CADM3: variants seen among roughly 807,000 people sequenced by gnomAD.
The protein encoded by CADM3 is TSLC1-like 1.
In CADM3, 11 loss-of-function variants were observed where a neutral mutation model predicts 44.9. The observed-to-expected ratio is 0.25, with a 90% CI of 0.15 to 0.41. CADM3 has a LOEUF of 0.41. CADM3 is among the 10% of genes least tolerant of loss of function. The probability of loss-of-function intolerance (pLI) is 1.00; values close to 1 mark genes in which losing one functional copy is unlikely to be tolerated. For missense variants in CADM3, 426 were observed against 512.0 expected (o/e 0.83, Z 1.62); for synonymous variants, 207 against 205.2 (o/e 1.01, Z -0.08).
intron 4 of CADM3, 115 bp downstream of exon 4, chr1:159,193,675 T>C (rs974409522): frequency 1.1e-5 from 17 of 1,502,152 alleles, no homozygotes; most frequent in Admixed American, 1.9e-5. Context: ...GGGAATGACA[T>C]ATATTTTGTG....
intron 1 of CADM3, among the ~76,000 whole-genome samples, chr1:159,188,669 C>A (rs1649522110): frequency 6.6e-6 from 1 of 152,136 alleles, no homozygotes; most frequent in African/African-American, 2.4e-5. Context: ...CGGCGGGAGA[C>A]CCTGAAAAGA....
chr1:159,189,920 C>G (rs1649582028), intron 1 of CADM3: 1 of 1,238,478 alleles, frequency 8.1e-7, no homozygotes, highest in Non-Finnish European at 1.2e-6. Flanking sequence ...TTCCCTCACT[C>G]ATCCTCACAT....
At chr1:159,171,915 T>C (rs935503188) in intron 1 of CADM3, 62 bp downstream of exon 1, 17 of 1,108,418 alleles carry the variant, frequency 1.5e-5, no homozygotes, top group East Asian at 1.3e-4. Flanking sequence ...GGGGCTGGGA[T>C]CGGGAGTCTC....
chr1:159,184,142 T>C (rs1042139718), intron 1 of CADM3, among the ~76,000 whole-genome samples: 2 of 152,234 alleles, frequency 1.3e-5, no homozygotes, highest in African/African-American at 4.8e-5. Context: ...GTTCTAATCC[T>C]GATTTTGCTA....
At chr1:159,193,256 G>T (rs1446046153) in intron 3 of CADM3, among the ~76,000 whole-genome samples, 167 bp from the exon 4 acceptor site, 1 of 152,124 alleles carries the variant, frequency 6.6e-6, no homozygotes, top group Non-Finnish European at 1.5e-5. Flanking sequence ...CTTCCTTTCT[G>T]GTCCTCAGGG....
At chr1:159,200,780 G>A (rs779258965) in intron 8 of CADM3, 24 bp from the exon 9 acceptor site, 3 of 1,548,240 alleles carry the variant, frequency 1.9e-6, no homozygotes, top group Non-Finnish European at 2.6e-6. Flanking sequence ...GCTCCTGAGA[G>A]GAGAAGCCTC....
rs755756300 is a variant in CADM3 at position 159,192,609 on chromosome 1, C to T, written c.261C>T (p.Thr87=). ...ALRDNRIQLV[T]STPHELSISI... is the part of the protein sequence containing the mutation. The stretch of plus-strand genomic sequence containing the variant: ...GAGATAATCGAATTCAGCTGGTTAC[C>T]TCTACGCCCCACGAGCTCAGCATCA... Residue 87 remains threonine, a synonymous_variant, in exon 3 of 9, where the codon ACC becomes ACT. Coordinates refer to ENST00000368125, the MANE Select transcript of CADM3 (RefSeq NM_001127173.3). The T allele has an allele frequency of 3.1e-6, 5 of 1,614,158 alleles. No individual in the cohort carries two copies. Among genetic ancestry groups the T allele is most frequent in the Middle Eastern group, 1.6e-4 (1 of 6,062 alleles).
At chr1:159,179,813 T>C (rs1302797613) in intron 1 of CADM3, among the ~76,000 whole-genome samples, 5 of 152,190 alleles carry the variant, frequency 3.3e-5, no homozygotes, top group African/African-American at 1.2e-4. Flanking sequence ...AATCATTTTT[T>C]TTTTGCCCAG....
intron 1 of CADM3, among the ~76,000 whole-genome samples, chr1:159,175,455 C>T (rs1331612621): frequency 6.6e-6 from 1 of 152,190 alleles, no homozygotes; most frequent in Admixed American, 6.5e-5. Context: ...TTAATAGTTT[C>T]CTCTAGGGCA....
rs746512033 is a variant in CADM3 at position 159,191,953 on chromosome 1, T to C, written c.106T>C (p.Ser36Pro). Residue 36 changes from serine to proline, a missense_variant, in exon 2 of 9, where the codon TCT (serine) becomes CCT (proline). Physicochemically the swap from Ser to Pro is moderately conservative, Grantham distance 74. Transcript: ENST00000368125. Reference sequence around the variant, plus strand: ...TCCTGCAGACAGCCAGCCCTGGACATCTGATGAAACAGTGGTGGCTGGTGG... The same window carrying C: ...TCCTGCAGACAGCCAGCCCTGGACACCTGATGAAACAGTGGTGGCTGGTGG... ...LSQDDSQPWT[S>P]DETVVAGGTV... 6.2e-7 allele frequency: 1 copy of C among 1,614,106 alleles called. No homozygotes were observed.
chr1:159,179,559 T>C (rs1315161492), intron 1 of CADM3, among the ~76,000 whole-genome samples: 1 of 152,216 alleles, frequency 6.6e-6, no homozygotes, highest in Non-Finnish European at 1.5e-5. Flanking sequence ...TCCCAAATAC[T>C]GGCAAGGTAG....
In CADM3 at chr1:159,199,782, C is replaced by T. The variant is rs769956150; in HGVS notation, c.984C>T (p.Thr328=). The T allele has an allele frequency of 1.9e-6, 3 of 1,614,042 alleles. No homozygotes were observed. Among genetic ancestry groups the T allele is most frequent in the East Asian group, 2.2e-5 (1 of 44,884 alleles). Reference sequence around the variant, plus strand: ...GTCCGGTGCCCTCCTCCTCCAGCACCTACCACGCCATCATCGGTGGGATCG... The same window carrying T: ...GTCCGGTGCCCTCCTCCTCCAGCACTTACCACGCCATCATCGGTGGGATCG... The part of the protein sequence containing the change: ...DPSPVPSSSS[T]YHAIIGGIVA... Residue 328 remains threonine, a synonymous_variant, in exon 8 of 9, where the codon ACC becomes ACT. Coordinates refer to ENST00000368125, the MANE Select transcript of CADM3 (RefSeq NM_001127173.3).
chr1:159,179,309 C>T (rs1649141722), intron 1 of CADM3, among the ~76,000 whole-genome samples: 1 of 152,172 alleles, frequency 6.6e-6, no homozygotes, highest in African/African-American at 2.4e-5. Context: ...ACTTAAAGAA[C>T]AAACTAAAAT....
chr1:159,200,485 C>T (rs1047590935), intron 8 of CADM3, among the ~76,000 whole-genome samples: 6 of 151,588 alleles, frequency 4.0e-5, no homozygotes, highest in African/African-American at 9.7e-5. Flanking sequence ...TGCGTGCACA[C>T]GCATGCATAC....
chr1:159,186,679 C>T (rs145426578), intron 1 of CADM3, among the ~76,000 whole-genome samples: 151 of 152,230 alleles, frequency 9.9e-4, no homozygotes, highest in African/African-American at 3.4e-3. Context: ...AGTGGCCATT[C>T]GGAATTTATT....
chr1:159,181,296 T>C (rs1649223497), intron 1 of CADM3, among the ~76,000 whole-genome samples: 2 of 152,244 alleles, frequency 1.3e-5, no homozygotes, highest in Admixed American at 1.3e-4. Flanking sequence ...GTTCAAAGTC[T>C]GGCCTCCTGA....
chr1:159,177,717 A>T (rs769841713), intron 1 of CADM3, among the ~76,000 whole-genome samples: 1 of 152,190 alleles, frequency 6.6e-6, no homozygotes, highest in Non-Finnish European at 1.5e-5. Flanking sequence ...CAGAAAGGGA[A>T]CAGAAGGGCA....
chr1:159,185,858 C>T (rs1213723693), intron 1 of CADM3, among the ~76,000 whole-genome samples: 1 of 152,072 alleles, frequency 6.6e-6, no homozygotes, highest in Non-Finnish European at 1.5e-5. Flanking sequence ...TATATTAGGG[C>T]CAATACTGGA....
intron 5 of CADM3, chr1:159,196,117 A>G: frequency 2.2e-6 from 1 of 449,040 alleles, no homozygotes; most frequent in Non-Finnish European, 4.0e-6. Flanking sequence ...TTCTGTTAAG[A>G]CATCTCTTAG....
Sources: gnomAD v4.1 joint callset for allele counts (sites outside exome capture counted in the v4.1 genomes callset) on GRCh38, gnomAD v4.1.1 for gene constraint, MANE v1.5 for transcripts, NCBI Gene and HGNC (gene_info 2026-07-23, HGNC 2026-07-21) for gene names.